KCNK12: variants seen among roughly 807,000 people sequenced by gnomAD.
The protein encoded by KCNK12 is potassium channel subfamily K member 12.
KCNK12 carries 6 observed loss-of-function variants against 25.3 expected under a neutral mutation model. That is an observed-to-expected ratio of 0.24 (90% CI 0.13 to 0.47). The LOEUF (loss-of-function observed/expected upper bound fraction) is 0.47, where lower values mean the gene tolerates loss of function less well. KCNK12 is among the 20% of genes least tolerant of loss of function. The probability of loss-of-function intolerance (pLI) is 0.99; values close to 1 mark genes in which losing one functional copy is unlikely to be tolerated. For synonymous variants in KCNK12, 331 were observed against 311.1 expected, an observed-to-expected ratio of 1.06 and a Z score of -0.67; for missense variants, 444 against 661.7, an observed-to-expected ratio of 0.67 and a Z score of 3.61.
At chr2:47,546,899 G>C (rs1669325824) in intron 1 of KCNK12, among the ~76,000 whole-genome samples, 1 of 150,382 alleles carries the variant, frequency 6.6e-6, no homozygotes, top group Non-Finnish European at 1.5e-5. Context: ...GAAACCCACA[G>C]CTCAGAGGGA....
At chr2:47,546,170 A>C (rs771168401) in intron 1 of KCNK12, among the ~76,000 whole-genome samples, 39 of 152,164 alleles carry the variant, frequency 2.6e-4, no homozygotes, top group Non-Finnish European at 1.0e-4. Flanking sequence ...TCCTTTGGGA[A>C]CTCTGCAGTT....
At position 47,529,681 on chromosome 2, in the gene KCNK12, T is replaced by C. The variant is rs987466837; in HGVS notation, c.392-7873A>G. The stretch of plus-strand genomic sequence containing the variant: ...TCAAGAATGGGTAGACCTAAGTCAA[T>C]CAGTGCAGAGCATTTTCATGACTAC... On this transcript the variant is annotated intron_variant, in intron 1 of 1. Transcript: ENST00000327876. The surrounding 1 kb of genome is among the most constrained non-coding windows in gnomAD (Gnocchi z 4.3). 6.6e-6 allele frequency among the ~76,000 whole-genome samples: 1 copy of C among 152,128 alleles called. No individual in the cohort carries two copies. Among genetic ancestry groups the C allele is most frequent in the Non-Finnish European group, 1.5e-5 (1 of 68,026 alleles).
rs936750856 is a variant in KCNK12 at position 47,551,746 on chromosome 2, C to G, written c.391+18195G>C. Among the ~76,000 whole-genome samples, 12 of 152,230 alleles carry G rather than the reference C, an allele frequency of 7.9e-5. No individual in the cohort carries two copies. The highest frequency in any genetic ancestry group is 2.9e-4 in the African/African-American group (12 of 41,470). On this transcript the variant is annotated intron_variant, in intron 1 of 1. Coordinates refer to ENST00000327876, the MANE Select transcript of KCNK12 (RefSeq NM_022055.2). This position sits in a 1 kb window ranked among gnomAD's most constrained non-coding sequence, Gnocchi z 5.3. ...CACATAAAAATATTTTGGTGCTAGT[C>G]CTGGGGAAGGCAGATTATTGGTTTA...
At chr2:47,554,865 G>A (rs1157073178) in intron 1 of KCNK12, among the ~76,000 whole-genome samples, 1 of 152,218 alleles carries the variant, frequency 6.6e-6, no homozygotes, top group Non-Finnish European at 1.5e-5. Flanking sequence ...AGCGAGACAA[G>A]TGGATGGAAT....
rs1669550135 is a variant in KCNK12 at position 47,556,348 on chromosome 2, AG to A, written c.391+13592del. On this transcript the variant is annotated intron_variant, in intron 1 of 1. Coordinates refer to ENST00000327876, the MANE Select transcript of KCNK12 (RefSeq NM_022055.2). This position sits in a 1 kb window ranked among gnomAD's most constrained non-coding sequence, Gnocchi z 4.8. The stretch of plus-strand genomic sequence containing the variant: ...GCAGCTCCACATGGTGGGTGGATTT[AG>A]GGGTGTGAAGATTACTTCTGATTAC... Among the ~76,000 whole-genome samples the A allele has an allele frequency of 6.6e-6, 1 of 152,172 alleles. No individual in the cohort carries two copies. The highest frequency in any genetic ancestry group is 1.5e-5 in the Non-Finnish European group (1 of 68,030).
At chr2:47,553,664 C>A (rs947282210) in intron 1 of KCNK12, among the ~76,000 whole-genome samples, 22 of 152,218 alleles carry the variant, frequency 1.4e-4, no homozygotes, top group African/African-American at 5.3e-4. Flanking sequence ...CTAAAATAGT[C>A]ATGATCACAT....
chr2:47,517,992 AC>A lies in KCNK12; in HGVS notation c.*2914del, dbSNP rs1668564188. 6.6e-6 allele frequency: 1 copy of A among 152,194 alleles called. No homozygotes were observed. Among genetic ancestry groups the A allele is most frequent in the African/African-American group, 2.4e-5 (1 of 41,434 alleles). 9.4% of individuals were successfully genotyped at this position (152,194 alleles called of 1,614,324 possible). On this transcript the variant is annotated 3_prime_UTR_variant, in exon 2 of 2. Coordinates refer to ENST00000327876, the MANE Select transcript of KCNK12 (RefSeq NM_022055.2). The surrounding 1 kb of genome is among the most constrained non-coding windows in gnomAD (Gnocchi z 4.1). Reference sequence around the variant, plus strand: ...ACAGTGAGCTACCAGTGGTGTGCAAACTGGAGACCCCCAAGACAGTGAGAGA... The same window carrying A: ...ACAGTGAGCTACCAGTGGTGTGCAAATGGAGACCCCCAAGACAGTGAGAGA...
chr2:47,567,816 G>T (rs971731412), intron 1 of KCNK12, among the ~76,000 whole-genome samples: 8 of 152,218 alleles, frequency 5.3e-5, no homozygotes, highest in Non-Finnish European at 1.2e-4. Flanking sequence ...TCAAGAAAGA[G>T]AATATAGCTC....
In KCNK12 at chr2:47,562,444, C is replaced by A. The variant is rs1669693123; in HGVS notation, c.391+7497G>T. 3.7e-6 allele frequency: 1 copy of A among 271,768 alleles called. No individual in the cohort carries two copies. Among genetic ancestry groups the A allele is most frequent in the Non-Finnish European group, 6.9e-6 (1 of 144,560 alleles). 16.8% of individuals were successfully genotyped at this position (271,768 alleles called of 1,614,324 possible). A position where few individuals can be genotyped will look rare whatever the true frequency, so the allele number is the denominator to read the frequency against. The stretch of plus-strand genomic sequence containing the variant: ...AAGGGCCCAGGCACACCAGTTACCA[C>A]TGACCTGCTAGTAAGCCAGGAACTT... On this transcript the variant is annotated intron_variant, in intron 1 of 1. Transcript: ENST00000327876. The surrounding 1 kb of genome is among the most constrained non-coding windows in gnomAD (Gnocchi z 4.8).
chr2:47,550,228 C>T (rs887307980), intron 1 of KCNK12, among the ~76,000 whole-genome samples: 7 of 152,108 alleles, frequency 4.6e-5, no homozygotes, highest in South Asian at 2.1e-4. Flanking sequence ...TTTATAAACA[C>T]GCAGATCCAA....
rs763406411 is a variant in KCNK12 at position 47,514,584 on chromosome 2, C to A, written c.*6323G>T. ...GGTCTGGCTTGGTAAATATAAAGTT[C>A]TTTTTTCTTTTCTTCCTTTTTCTTT... On this transcript the variant is annotated 3_prime_UTR_variant, in exon 2 of 2. Transcript: ENST00000327876. This position sits in a 1 kb window ranked among gnomAD's most constrained non-coding sequence, Gnocchi z 5.0. 2.6e-5 allele frequency among the ~76,000 whole-genome samples: 4 copies of A among 151,758 alleles called. No homozygotes were observed. The highest frequency in any genetic ancestry group is 5.9e-5 in the Non-Finnish European group (4 of 67,946).
At position 47,570,215 on chromosome 2, in the gene KCNK12, G is replaced by A. The variant is rs1572616144; in HGVS notation, c.117C>T (p.Phe39=). 1 of 1,491,452 alleles carries A rather than the reference G, an allele frequency of 6.7e-7. No homozygotes were observed. Among genetic ancestry groups the A allele is most frequent in the Non-Finnish European group, 8.9e-7 (1 of 1,124,294 alleles). The allele number at this position is 1,491,452 out of a possible 1,614,324, so 92.4% of individuals were successfully genotyped here. A position where few individuals can be genotyped will look rare whatever the true frequency, so the allele number is the denominator to read the frequency against. ...GGCCGATGAGCGCCGCCAGCAGCAC[G>A]AAGCGGCCGGTGTCCTCGTTGAGGT... The part of the protein sequence containing the change: ...RSHLNEDTGR[F]VLLAALIGLY... The change falls in exon 1 of 2, where the codon TTC becomes TTT. Residue 39 remains phenylalanine, a synonymous_variant. Transcript: ENST00000327876.
chr2:47,536,029 C>G (rs1669060548), intron 1 of KCNK12, among the ~76,000 whole-genome samples: 1 of 152,140 alleles, frequency 6.6e-6, no homozygotes, highest in Admixed American at 6.5e-5. Context: ...TGTCCCCCTC[C>G]CTTCATATGA....
chr2:47,544,510 C>T (rs1406118606), intron 1 of KCNK12, among the ~76,000 whole-genome samples: 2 of 152,256 alleles, frequency 1.3e-5, no homozygotes, highest in Non-Finnish European at 2.9e-5. Flanking sequence ...ACACATTGGT[C>T]GTGTGTACTT....
At position 47,566,850 on chromosome 2, in the gene KCNK12, G is replaced by A. The variant is rs549601058; in HGVS notation, c.391+3091C>T. 1 of 152,300 alleles carries A rather than the reference G, an allele frequency of 6.6e-6. No individual in the cohort carries two copies. Among genetic ancestry groups the A allele is most frequent in the East Asian group, 1.9e-4 (1 of 5,184 alleles). The allele number at this position is 152,300 out of a possible 1,614,324, so 9.4% of individuals were successfully genotyped here. A position where few individuals can be genotyped will look rare whatever the true frequency, so the allele number is the denominator to read the frequency against. On this transcript the variant is annotated intron_variant, in intron 1 of 1. Coordinates refer to ENST00000327876, the MANE Select transcript of KCNK12 (RefSeq NM_022055.2). This position sits in a 1 kb window ranked among gnomAD's most constrained non-coding sequence, Gnocchi z 4.1. ...GACCTAGCTGAACCCCTCATTAACT[G>A]TGTGACCACTGACAAGTCCCCTAAC... is the stretch of plus-strand genomic sequence containing the variant.
chr2:47,552,241 C>T (rs958190601), intron 1 of KCNK12, among the ~76,000 whole-genome samples: 2 of 152,190 alleles, frequency 1.3e-5, no homozygotes, highest in African/African-American at 4.8e-5. Context: ...CTGCTGCACC[C>T]CCGCCTCCAC....
At position 47,520,868 on chromosome 2, in the gene KCNK12, C is replaced by T; in HGVS notation, c.*39G>A. The T allele has an allele frequency of 8.2e-7, 1 of 1,218,184 alleles. No homozygotes were observed. Among genetic ancestry groups the T allele is most frequent in the Non-Finnish European group, 1.0e-6 (1 of 973,528 alleles). The allele number at this position is 1,218,184 out of a possible 1,614,324, so 75.5% of individuals were successfully genotyped here. On this transcript the variant is annotated 3_prime_UTR_variant, in exon 2 of 2. Transcript: ENST00000327876. This position sits in a 1 kb window ranked among gnomAD's most constrained non-coding sequence, Gnocchi z 5.0. ...AAGCAAACCACGCCCGGCGGCCCCGCGGCCTGGAGAGGGTCCCCGGCGCGG... is the reference window on the plus strand; with the variant it reads ...AAGCAAACCACGCCCGGCGGCCCCGTGGCCTGGAGAGGGTCCCCGGCGCGG...
chr2:47,544,046 C>A (rs1479930555), intron 1 of KCNK12, among the ~76,000 whole-genome samples: 1 of 152,150 alleles, frequency 6.6e-6, no homozygotes. Flanking sequence ...TTCCAAAGGC[C>A]AACATTCTAG....
At chr2:47,539,382 T>C (rs1669144762) in intron 1 of KCNK12, among the ~76,000 whole-genome samples, 1 of 152,138 alleles carries the variant, frequency 6.6e-6, no homozygotes, top group South Asian at 2.1e-4. Flanking sequence ...GAGGTGGTAG[T>C]CAAAAAGTGT....
Sources: gnomAD v4.1 joint callset for allele counts (sites outside exome capture counted in the v4.1 genomes callset) on GRCh38, gnomAD v4.1.1 for gene constraint, Gnocchi (gnomAD v3.1) non-coding constraint, MANE v1.5 for transcripts, NCBI Gene and HGNC (gene_info 2026-07-23, HGNC 2026-07-21) for gene names.